The following LAMA2 variants were observed in gnomAD, a reference collection of about 807,000 sequenced individuals.
LAMA2 encodes laminin subunit alpha 2.
In LAMA2, 269 loss-of-function variants were observed where a neutral mutation model predicts 364.8. That is an observed-to-expected ratio of 0.74 (90% CI 0.67 to 0.82). The LOEUF (loss-of-function observed/expected upper bound fraction) is 0.82, where lower values mean the gene tolerates loss of function less well. Ranked by LOEUF, LAMA2 falls within the 40% of genes least tolerant of loss-of-function variation. The probability of loss-of-function intolerance (pLI) is 0.00; values close to 1 mark genes in which losing one functional copy is unlikely to be tolerated. For missense variants in LAMA2, 3,807 were observed against 3,873.2 expected, an observed-to-expected ratio of 0.98 and a Z score of 0.45; for synonymous variants, 1,379 against 1,370.6, an observed-to-expected ratio of 1.01 and a Z score of -0.14.
Position 129,391,573 on chromosome 6 carries a change from G to A in LAMA2, c.5154G>A (p.Gln1718=), listed in dbSNP as rs770758508. 5.0e-6 allele frequency: 8 copies of A among 1,613,798 alleles called. No individual in the cohort carries two copies. The South Asian group carries it at 8.8e-5, about 18-fold the overall frequency. ...EAFERNLEGL[Q]KEIDQMIKEL... is the part of the protein sequence containing the mutation. ...TTGAGAGAAATTTGGAAGGGCTTCAGAAAGAGATTGACCAGATGATTAAAG... is the reference window on the plus strand; with the variant it reads ...TTGAGAGAAATTTGGAAGGGCTTCAAAAAGAGATTGACCAGATGATTAAAG... The change falls in exon 36 of 65, where the codon CAG becomes CAA. Residue 1718 remains glutamine (Q), a synonymous_variant. Transcript: ENST00000421865.
intron 1 of LAMA2, among the ~76,000 whole-genome samples, chr6:128,986,916 C>G (rs956047437): frequency 2.0e-5 from 3 of 151,946 alleles, no homozygotes; most frequent in Non-Finnish European, 4.4e-5. Flanking sequence ...TCTCTAGATC[C>G]ATTCATCCTG....
At position 129,328,806 on chromosome 6, in the gene LAMA2, C is replaced by T. The variant is rs900789402; in HGVS notation, c.4311+394C>T. On this transcript the variant is annotated intron_variant, in intron 29 of 64. Transcript: ENST00000421865. ...TAACATTTTAATGTTTTAAGTATTT[C>T]CCACCAATTTTTACATGTGTTTATG... Among the ~76,000 whole-genome samples, 3 of 152,200 alleles carry T rather than the reference C, an allele frequency of 2.0e-5. No homozygotes were observed. The South Asian group carries it at 6.2e-4, about 32-fold the overall frequency.
rs113129540 is a variant in LAMA2 at position 129,249,855 on chromosome 6, C to G, written c.1783-257C>G. 0.018 allele frequency among the ~76,000 whole-genome samples: 2,682 copies of G among 152,164 alleles called. 74 individuals are homozygous for G. The highest frequency in any genetic ancestry group is 0.061 in the African/African-American group (2,528 of 41,514). On this transcript the variant is annotated intron_variant, in intron 12 of 64. Coordinates refer to ENST00000421865, the MANE Select transcript of LAMA2 (RefSeq NM_000426.4). ...GCTGTTTGGCTTCATGGAACTTAAC[C>G]TATTTCAGCAAGCCTGCAATACTGG...
chr6:129,465,412 T>A (rs889537787), intron 51 of LAMA2, 123 bp downstream of exon 51: 18 of 842,480 alleles, frequency 2.1e-5, no homozygotes, highest in African/African-American at 5.1e-5. Flanking sequence ...GTGAAAAATT[T>A]ATACAGTCAT....
At chr6:128,919,403 A>G (rs970687061) in intron 1 of LAMA2, among the ~76,000 whole-genome samples, 1 of 152,230 alleles carries the variant, frequency 6.6e-6, no homozygotes. Context: ...TGTCATCATC[A>G]TGTAACAATT....
chr6:129,329,838 G>A (rs1011476426), intron 29 of LAMA2, among the ~76,000 whole-genome samples: 1 of 152,148 alleles, frequency 6.6e-6, no homozygotes, highest in African/African-American at 2.4e-5. Context: ...AGACCACACA[G>A]CAGGAGGCAA....
intron 12 of LAMA2, among the ~76,000 whole-genome samples, chr6:129,226,213 T>G (rs1180109553): frequency 6.6e-6 from 1 of 152,250 alleles, no homozygotes; most frequent in Non-Finnish European, 1.5e-5. Context: ...CCCTTTATTT[T>G]GAGCCTGTGT....
At chr6:129,098,842 C>A (rs954217721) in intron 4 of LAMA2, among the ~76,000 whole-genome samples, 4 of 152,110 alleles carry the variant, frequency 2.6e-5, no homozygotes, top group African/African-American at 9.7e-5. Flanking sequence ...AAAAGTAATT[C>A]TTTCAATCTT....
chr6:129,303,142 T>C (rs1033475103), intron 22 of LAMA2, among the ~76,000 whole-genome samples: 4 of 152,196 alleles, frequency 2.6e-5, no homozygotes, highest in Admixed American at 6.5e-5. Flanking sequence ...CAGAAATGTT[T>C]GTAGTTTTTG....
At chr6:129,053,284 C>T (rs751938856) in intron 2 of LAMA2, among the ~76,000 whole-genome samples, 1 of 152,158 alleles carries the variant, frequency 6.6e-6, no homozygotes, top group African/African-American at 2.4e-5. Context: ...AGGCTGGTCC[C>T]GAACTCCAGA....
Position 129,478,774 on chromosome 6 carries a change from TC to T in LAMA2, c.7536del (p.Asp2513IlefsTer34), listed in dbSNP as rs398123387. 1.3e-5 allele frequency: 21 copies of T among 1,613,056 alleles called. No homozygotes were observed. Among genetic ancestry groups the T allele is most frequent in the Non-Finnish European group, 5.9e-6 (7 of 1,179,194 alleles). On this transcript the variant is annotated frameshift_variant, in exon 54 of 65. Coordinates refer to ENST00000421865, the MANE Select transcript of LAMA2 (RefSeq NM_000426.4). LOFTEE classifies it high-confidence loss of function. The stretch of plus-strand genomic sequence containing the variant: ...GAACTCCGTACAATATACTCAGTAG[TC>T]CCGATTATGTTGGTGTTACCAAAGG... ...SRTPYNILSS[P>X]DYVGVTKGCS...
At chr6:129,292,950 G>T in intron 20 of LAMA2, 3 of 985,908 alleles carry the variant, frequency 3.0e-6, no homozygotes, top group Non-Finnish European at 3.6e-6. Context: ...CGGCAGGCAG[G>T]TGCACCAACA....
rs192449271 is a variant in LAMA2, at chr6:129,015,556, T to G, written c.113-34362T>G. On this transcript the variant is annotated intron_variant, in intron 1 of 64. Coordinates refer to ENST00000421865, the MANE Select transcript of LAMA2 (RefSeq NM_000426.4). The stretch of plus-strand genomic sequence containing the variant: ...CTCTGATGATTATTTTTATTGACCA[T>G]ATTCTTGCCAACTCTAAGGTACTCT... 2.6e-3 allele frequency among the ~76,000 whole-genome samples: 398 copies of G among 152,200 alleles called. 2 individuals carry two copies. The highest frequency in any genetic ancestry group is 9.2e-3 in the African/African-American group (381 of 41,570).
chr6:129,225,737 G>T (rs1368797544), intron 12 of LAMA2, among the ~76,000 whole-genome samples: 2 of 152,180 alleles, frequency 1.3e-5, no homozygotes, highest in African/African-American at 4.8e-5. Flanking sequence ...ATTTGCTGAG[G>T]AGTGCTTTAC....
chr6:128,903,592 A>G (rs954266671), intron 1 of LAMA2, among the ~76,000 whole-genome samples: 1 of 152,174 alleles, frequency 6.6e-6, no homozygotes, highest in Admixed American at 6.5e-5. Context: ...AATTTTCTCT[A>G]GCAGTAATTC....
intron 1 of LAMA2, among the ~76,000 whole-genome samples, chr6:128,947,059 A>C (rs189904194): frequency 6.6e-6 from 1 of 152,338 alleles, no homozygotes; most frequent in East Asian, 1.9e-4. Context: ...GTGTTATATC[A>C]CAGATAGCTT....
At chr6:129,396,240 A>G (rs2114681033) in intron 37 of LAMA2, among the ~76,000 whole-genome samples, 1 of 152,334 alleles carries the variant, frequency 6.6e-6, no homozygotes, top group Non-Finnish European at 1.5e-5. Flanking sequence ...TTGAGGTTGA[A>G]TAGAAATGAT....
At chr6:128,973,948 C>T (rs1562884778) in intron 1 of LAMA2, among the ~76,000 whole-genome samples, 1 of 152,146 alleles carries the variant, frequency 6.6e-6, no homozygotes, top group Admixed American at 6.6e-5. Context: ...TGGGAATTGC[C>T]TTCTAGCAGA....
At position 129,314,398 on chromosome 6, in the gene LAMA2, C is replaced by CAAAAAAAAAAAA. The variant is rs3062342; in HGVS notation, c.3412-247_3412-236dup. Among the ~76,000 whole-genome samples the CAAAAAAAAAAAA allele has an allele frequency of 6.5e-4, 53 of 81,854 alleles. 4 individuals carry two copies. The highest frequency in any genetic ancestry group is 2.7e-3 in the African/African-American group (50 of 18,182). The allele number at this position is 81,854 out of a possible 152,430, so 53.7% of individuals were successfully genotyped here. A position where few individuals can be genotyped will look rare whatever the true frequency, so the allele number is the denominator to read the frequency against. On this transcript the variant is annotated intron_variant, in intron 23 of 64. Coordinates refer to ENST00000421865, the MANE Select transcript of LAMA2 (RefSeq NM_000426.4). The stretch of plus-strand genomic sequence containing the variant: ...TGGGCGAAAGAGCGAGACTCCGTCT[C>CAAAAAAAAAAAA]AAAAAAAAAAAAAAAAAAAAAGTAC...
Sources: allele counts gnomAD v4.1 joint callset (sites outside exome capture counted in the v4.1 genomes callset), GRCh38; gene constraint gnomAD v4.1.1; transcripts MANE v1.5; gene names NCBI Gene and HGNC (gene_info 2026-07-23, HGNC 2026-07-21).